The following GBE1 variants were observed in gnomAD, a reference collection of about 807,000 sequenced individuals.
GBE1 encodes 1,4-alpha-glucan-branching enzyme.
Under a neutral mutation model 88.8 loss-of-function variants are expected in GBE1, and 70 were observed. The ratio of observed to expected loss-of-function variants is 0.79; its 90% confidence interval spans 0.65 to 0.96. The LOEUF (loss-of-function observed/expected upper bound fraction) is 0.96. Among genes scored for constraint, GBE1 ranks in the 40% least tolerant of loss-of-function variants. The pLI is 0.00. For missense variants in GBE1, 872 were observed against 871.0 expected (o/e 1.00, Z -0.01); for synonymous variants, 284 against 300.1 (o/e 0.95, Z 0.56).
At chr3:81,721,794 C>G (rs1018401660) in intron 1 of GBE1, among the ~76,000 whole-genome samples, 1 of 152,154 alleles carries the variant, frequency 6.6e-6, no homozygotes, top group African/African-American at 2.4e-5. Context: ...AATTTCTTAA[C>G]AATCTGGGGT....
At chr3:81,672,595 G>A (rs1705203659) in intron 2 of GBE1, among the ~76,000 whole-genome samples, 2 of 151,882 alleles carry the variant, frequency 1.3e-5, no homozygotes, top group Admixed American at 1.3e-4. Flanking sequence ...TATTAAATCA[G>A]AAATATGAAT....
chr3:81,745,582 T>C (rs1358476780), intron 1 of GBE1, among the ~76,000 whole-genome samples: 3 of 151,944 alleles, frequency 2.0e-5, no homozygotes, highest in African/African-American at 7.2e-5. Context: ...TCAGTAAACT[T>C]GGTAGAGATC....
At chr3:81,642,312 G>A (rs1001587208) in intron 7 of GBE1, among the ~76,000 whole-genome samples, 1 of 151,968 alleles carries the variant, frequency 6.6e-6, no homozygotes, top group African/African-American at 2.4e-5. Flanking sequence ...CACCATACAT[G>A]AAACATATTA....
intron 10 of GBE1, among the ~76,000 whole-genome samples, chr3:81,584,717 T>C (rs547664013): frequency 6.6e-6 from 1 of 151,682 alleles, no homozygotes; most frequent in Non-Finnish European, 1.5e-5. Flanking sequence ...CCTAATGCAT[T>C]ACCTTCATCA....
intron 7 of GBE1, among the ~76,000 whole-genome samples, chr3:81,624,524 T>G (rs1233808405): frequency 6.6e-6 from 1 of 152,190 alleles, no homozygotes; most frequent in East Asian, 1.9e-4. Flanking sequence ...AGTCTAGAAA[T>G]GTGTATTCTT....
At chr3:81,593,010 C>T (rs1489701766) in intron 8 of GBE1, among the ~76,000 whole-genome samples, 1 of 150,846 alleles carries the variant, frequency 6.6e-6, no homozygotes, top group Non-Finnish European at 1.5e-5. Context: ...ACGTTTTTCA[C>T]CCCCTTTGTT....
chr3:81,691,581 A>C (rs1207477954), intron 2 of GBE1, among the ~76,000 whole-genome samples: 1 of 152,086 alleles, frequency 6.6e-6, no homozygotes, highest in East Asian at 1.9e-4. Flanking sequence ...GTTCGACACC[A>C]GCCTAGGCAA....
chr3:81,509,546 C>T (rs1702698007), intron 14 of GBE1: 1 of 151,830 alleles, frequency 6.6e-6, no homozygotes, highest in Non-Finnish European at 1.5e-5. Context: ...TTGTCTCTCA[C>T]TATTAAAATA....
At chr3:81,728,990 C>T (rs1575768589) in intron 1 of GBE1, among the ~76,000 whole-genome samples, 1 of 151,870 alleles carries the variant, frequency 6.6e-6, no homozygotes, top group Non-Finnish European at 1.5e-5. Context: ...TCTCTGTAGA[C>T]AGCTACTCTC....
chr3:81,564,802 G>T (rs1703469778), intron 12 of GBE1, among the ~76,000 whole-genome samples: 1 of 152,076 alleles, frequency 6.6e-6, no homozygotes, highest in Non-Finnish European at 1.5e-5. Flanking sequence ...GCACAGTCCA[G>T]GTCAATCTGT....
intron 1 of GBE1, among the ~76,000 whole-genome samples, chr3:81,712,179 T>C (rs1356314909): frequency 6.6e-6 from 1 of 152,024 alleles, no homozygotes; most frequent in African/African-American, 2.4e-5. Flanking sequence ...TGTGGAGAAA[T>C]AGGAACACTT....
At chr3:81,686,541 G>A (rs146125540) in intron 2 of GBE1, among the ~76,000 whole-genome samples, 224 of 152,264 alleles carry the variant, frequency 1.5e-3, no homozygotes, top group African/African-American at 5.2e-3. Context: ...TGGATCACCT[G>A]AGGTCAGGAG....
chr3:81,563,913 G>C (rs751675609), intron 12 of GBE1, among the ~76,000 whole-genome samples: 5 of 151,302 alleles, frequency 3.3e-5, no homozygotes, highest in Middle Eastern at 3.4e-3. Context: ...AAGGGAGGGA[G>C]GGAGGGAGTG....
chr3:81,523,530 G>C (rs1452283197), intron 14 of GBE1, among the ~76,000 whole-genome samples: 1 of 151,378 alleles, frequency 6.6e-6, no homozygotes, highest in Non-Finnish European at 1.5e-5. Flanking sequence ...TTAAAATGTA[G>C]AATAAATTAC....
intron 12 of GBE1, among the ~76,000 whole-genome samples, chr3:81,556,870 A>AACT (rs145379860): frequency 0.01 from 1,570 of 152,242 alleles, 13 homozygotes; most frequent in African/African-American, 0.025. Context: ...TACAAAGGAC[A>AACT]TAAATTTTAG....
At chr3:81,699,646 G>C (rs9837005) in intron 2 of GBE1, among the ~76,000 whole-genome samples, 147 of 152,250 alleles carry the variant, frequency 9.7e-4, no homozygotes, top group African/African-American at 3.3e-3. Flanking sequence ...GGAGAAAGAT[G>C]TAGGCTGGGA....
chr3:81,557,055 G>A (rs1703358685), intron 12 of GBE1, among the ~76,000 whole-genome samples: 2 of 151,882 alleles, frequency 1.3e-5, no homozygotes, highest in Non-Finnish European at 1.5e-5. Context: ...TTTCTTAAAC[G>A]ATGAAGTTGA....
intron 14 of GBE1, among the ~76,000 whole-genome samples, chr3:81,532,950 A>G (rs1033203741): frequency 7.2e-5 from 11 of 151,832 alleles, no homozygotes; most frequent in African/African-American, 2.4e-4. Context: ...CTCCCCTGCC[A>G]CTTATTTTTT....
chr3:81,669,419 A>G (rs1705157565), intron 3 of GBE1, among the ~76,000 whole-genome samples: 2 of 152,254 alleles, frequency 1.3e-5, no homozygotes, highest in Non-Finnish European at 2.9e-5. Flanking sequence ...AACAGCCATT[A>G]AGACTTAAAG....
Sources: allele counts gnomAD v4.1 joint callset (sites outside exome capture counted in the v4.1 genomes callset), GRCh38; gene constraint gnomAD v4.1.1; transcripts MANE v1.5; gene names NCBI Gene and HGNC (gene_info 2026-07-23, HGNC 2026-07-21).